Variants in LRP4 observed in about 807,000 individuals in gnomAD.
LRP4 encodes the protein low-density lipoprotein receptor-related protein 4.
A neutral mutation model predicts 220.3 loss-of-function variants in LRP4; 95 were observed. The observed-to-expected ratio is 0.43, with a 90% CI of 0.37 to 0.51. The LOEUF (loss-of-function observed/expected upper bound fraction) is 0.51. Among genes scored for constraint, LRP4 ranks in the 20% least tolerant of loss-of-function variants. The probability of loss-of-function intolerance (pLI) is 0.00; values close to 1 mark genes in which losing one functional copy is unlikely to be tolerated. For missense variants in LRP4, 1,925 were observed against 2,567.0 expected, an observed-to-expected ratio of 0.75 and a Z score of 5.40; for synonymous variants, 903 against 954.6, an observed-to-expected ratio of 0.95 and a Z score of 1.00.
intron 20 of LRP4, 73 bp from the exon 21 acceptor site, chr11:46,879,388 T>G (rs761754451): frequency 1.2e-5 from 19 of 1,520,562 alleles, no homozygotes; most frequent in Non-Finnish European, 1.7e-5. Context: ...GAGCTCACTG[T>G]GGACTCAGAA....
chr11:46,865,359 G>A (rs987776158), intron 34 of LRP4, among the ~76,000 whole-genome samples, 173 bp from the exon 35 acceptor site: 3 of 152,202 alleles, frequency 2.0e-5, no homozygotes, highest in Non-Finnish European at 2.9e-5. Context: ...AGAGAAATCC[G>A]TGCAAGGCAC....
intron 1 of LRP4, among the ~76,000 whole-genome samples, chr11:46,917,846 A>G (rs1386216127): frequency 1.3e-5 from 2 of 152,086 alleles, no homozygotes; most frequent in African/African-American, 4.8e-5. Context: ...CCGGTGCCCA[A>G]GTACCAGATT....
Position 46,890,340 on chromosome 11 carries a change from T to G in LRP4, c.1852A>C (p.Lys618Gln). The change falls in exon 14 of 38, where the codon AAG (lysine) becomes CAG (glutamine). Residue 618 changes from lysine to glutamine, a missense_variant. Transcript: ENST00000378623. The surrounding 1 kb of genome is among the most constrained non-coding windows in gnomAD (Gnocchi z 5.3). Reference sequence around the variant, plus strand: ...TTGGCCCTCTCGATGACATGGTGCTTAGCATCCACCCAGTACATACGGCGC... The same window carrying G: ...TTGGCCCTCTCGATGACATGGTGCTGAGCATCCACCCAGTACATACGGCGC... The part of the protein sequence containing the change: ...AGRRMYWVDA[K>Q]HHVIERANLD... The G allele has an allele frequency of 6.2e-7, 1 of 1,614,108 alleles. No individual in the cohort carries two copies. Among genetic ancestry groups the G allele is most frequent in the Non-Finnish European group, 8.5e-7 (1 of 1,180,014 alleles).
chr11:46,872,541 C>T (rs191119078), intron 30 of LRP4, among the ~76,000 whole-genome samples: 115 of 152,044 alleles, frequency 7.6e-4, no homozygotes, highest in African/African-American at 2.3e-3. Flanking sequence ...TCCAGGAGTT[C>T]GAGACCAGCC....
In LRP4 at chr11:46,875,253, G is replaced by A; in HGVS notation, c.3926-150C>T. 1 of 935,074 alleles carries A rather than the reference G, an allele frequency of 1.1e-6. No individual in the cohort carries two copies. The allele number at this position is 935,074 out of a possible 1,614,324, so 57.9% of individuals were successfully genotyped here. A position where few individuals can be genotyped will look rare whatever the true frequency, so the allele number is the denominator to read the frequency against. The stretch of plus-strand genomic sequence containing the variant: ...TGAGGTAGAAGGAGGGTCTGCAGGA[G>A]GATCTCCAGGAGTCCTTTGAAGGTG... On this transcript the variant is annotated intron_variant, in intron 27 of 37. Coordinates refer to ENST00000378623, the MANE Select transcript of LRP4 (RefSeq NM_002334.4). The surrounding 1 kb of genome is among the most constrained non-coding windows in gnomAD (Gnocchi z 4.5).
At chr11:46,916,918 C>CA (rs1424986674) in intron 1 of LRP4, among the ~76,000 whole-genome samples, 1 of 152,138 alleles carries the variant, frequency 6.6e-6, no homozygotes, top group African/African-American at 2.4e-5. Context: ...AAAGAGGCTA[C>CA]AAATAACCTT....
rs764499559 is a variant in LRP4 at position 46,875,471 on chromosome 11, G to A, written c.3910C>T (p.Arg1304Trp). 8 of 1,613,688 alleles carry A rather than the reference G, an allele frequency of 5.0e-6. No homozygotes were observed. The highest frequency in any genetic ancestry group is 6.8e-6 in the Non-Finnish European group (8 of 1,179,848). ...PGLMDMQAVD[R>W]AQPLGFNKCG... The stretch of plus-strand genomic sequence containing the variant: ...TGACTCTCACCTAGTGGCTGTGCCC[G>A]GTCCACAGCCTGCATGTCCATGAGG... The change falls in exon 27 of 38, where the codon CGG becomes TGG. Residue 1304 changes from arginine to tryptophan, a missense_variant. Coordinates refer to ENST00000378623, the MANE Select transcript of LRP4 (RefSeq NM_002334.4). The surrounding 1 kb of genome is among the most constrained non-coding windows in gnomAD (Gnocchi z 4.5).
chr11:46,898,462 A>G, intron 7 of LRP4, 96 bp downstream of exon 7: 1 of 1,554,264 alleles, frequency 6.4e-7, no homozygotes. Flanking sequence ...CTGGCATTAT[A>G]AGCATGAGCC....
chr11:46,893,158 A>T lies in LRP4; in HGVS notation c.1541-29T>A, dbSNP rs755277182. ...GTGAGAAGCAGCAGCAAAAAATGTCAAGGAGTCAACCCAGGCCCCCATGTC... is the reference window on the plus strand; with the variant it reads ...GTGAGAAGCAGCAGCAAAAAATGTCTAGGAGTCAACCCAGGCCCCCATGTC... On this transcript the variant is annotated intron_variant, in intron 12 of 37. Transcript: ENST00000378623. The T allele has an allele frequency of 1.9e-5, 30 of 1,613,988 alleles. No individual in the cohort carries two copies. In the South Asian group the frequency reaches 3.3e-4, roughly 18 times the overall value.
Position 46,899,903 on chromosome 11 carries a change from A to G in LRP4, c.390T>C (p.Asp130=), listed in dbSNP as rs140186161. Residue 130 remains aspartate, a synonymous_variant, in exon 4 of 38, where the codon GAT becomes GAC. Coordinates refer to ENST00000378623, the MANE Select transcript of LRP4 (RefSeq NM_002334.4). The surrounding 1 kb of genome is among the most constrained non-coding windows in gnomAD (Gnocchi z 5.9). ...TGTTGTCGCCACAGTCATTGTCACC[A>G]TCGCAGTGCCACAGACTCCGGATGC... ...GYCIRSLWHC[D]GDNDCGDNSD... 44 of 1,613,952 alleles carry G rather than the reference A, an allele frequency of 2.7e-5. No homozygotes were observed. Among genetic ancestry groups the G allele is most frequent in the Middle Eastern group, 3.3e-4 (2 of 6,062 alleles).
intron 1 of LRP4, among the ~76,000 whole-genome samples, chr11:46,915,491 C>T (rs1941934240): frequency 6.6e-6 from 1 of 152,124 alleles, no homozygotes; most frequent in Non-Finnish European, 1.5e-5. Context: ...GAGTCCAAAC[C>T]AATAGGCTCT....
At chr11:46,867,328 G>A (rs112565647) in intron 34 of LRP4, among the ~76,000 whole-genome samples, 3 of 152,278 alleles carry the variant, frequency 2.0e-5, no homozygotes, top group African/African-American at 4.8e-5. Flanking sequence ...AGAGACTACT[G>A]TTGGACAAGC....
chr11:46,872,981 A>C, intron 30 of LRP4, 119 bp downstream of exon 30: 2 of 1,316,672 alleles, frequency 1.5e-6, no homozygotes, highest in Non-Finnish European at 2.2e-6. Context: ...CTTCTCAATG[A>C]TTCCTCTTCC....
rs761980752 is a variant in LRP4, at chr11:46,896,049, A to G, written c.1049-31T>C. 7 of 1,613,804 alleles carry G rather than the reference A, an allele frequency of 4.3e-6. No homozygotes were observed. The East Asian group carries it at 1.3e-4, about 31-fold the overall frequency. On this transcript the variant is annotated intron_variant, in intron 9 of 37. Coordinates refer to ENST00000378623, the MANE Select transcript of LRP4 (RefSeq NM_002334.4). ...CCAGCCAAGCCAGAGTTGGGAGTTGAGCCCAGAATCCTCCCCCAGAGAGCC... is the reference window on the plus strand; with the variant it reads ...CCAGCCAAGCCAGAGTTGGGAGTTGGGCCCAGAATCCTCCCCCAGAGAGCC...
chr11:46,895,297 A>G lies in LRP4; in HGVS notation c.1184-6T>C, dbSNP rs1205047749. 1 of 1,612,242 alleles carries G rather than the reference A, an allele frequency of 6.2e-7. No homozygotes were observed. Among genetic ancestry groups the G allele is most frequent in the Non-Finnish European group, 8.5e-7 (1 of 1,179,990 alleles). Reference sequence around the variant, plus strand: ...CTCGGCACATTCATTCACATCTGGGAACACCAGGCAGGTCAAGAGATCTCC... The same window carrying G: ...CTCGGCACATTCATTCACATCTGGGGACACCAGGCAGGTCAAGAGATCTCC... On this transcript the variant is annotated splice_region_variant and splice_polypyrimidine_tract_variant and intron_variant, in intron 10 of 37. Coordinates refer to ENST00000378623, the MANE Select transcript of LRP4 (RefSeq NM_002334.4).
chr11:46,900,427 C>G, intron 2 of LRP4, 49 bp from the exon 3 acceptor site: 1 of 1,192,126 alleles, frequency 8.4e-7, no homozygotes, highest in Non-Finnish European at 1.3e-6. Flanking sequence ...GGTATTCTTA[C>G]TCAGGCTCAA....
In LRP4 at chr11:46,875,239, G is replaced by A. The variant is rs1002778827; in HGVS notation, c.3926-136C>T. 4 of 1,009,544 alleles carry A rather than the reference G, an allele frequency of 4.0e-6. No individual in the cohort carries two copies. Among genetic ancestry groups the A allele is most frequent in the Non-Finnish European group, 6.0e-6 (4 of 668,176 alleles). The allele number at this position is 1,009,544 out of a possible 1,614,324, so 62.5% of individuals were successfully genotyped here. A position where few individuals can be genotyped will look rare whatever the true frequency, so the allele number is the denominator to read the frequency against. ...AGTGCCTGGCAGGGTGAGGTAGAAG[G>A]AGGGTCTGCAGGAGGATCTCCAGGA... On this transcript the variant is annotated intron_variant, in intron 27 of 37. Coordinates refer to ENST00000378623, the MANE Select transcript of LRP4 (RefSeq NM_002334.4). This position sits in a 1 kb window ranked among gnomAD's most constrained non-coding sequence, Gnocchi z 4.5.
Position 46,879,212 on chromosome 11 carries a change from C to T in LRP4, c.2918G>A (p.Arg973Gln), listed in dbSNP as rs200029707. ...AGTCTCCCGGTCCAGCCCTGTCAGC[C>T]GGTCAGCGCTCTGTATGCTCTTGGT... ...WQTKSIQSAD[R>Q]LTGLDRETLQ... is the part of the protein sequence containing the mutation. Residue 973 changes from arginine (R) to glutamine (Q), a missense_variant, in exon 21 of 38, where the codon CGG becomes CAG. This residue lies in a region of LRP4 where 1,244 missense variants were observed against 1,624.9 expected (regional missense o/e 0.77). Coordinates refer to ENST00000378623, the MANE Select transcript of LRP4 (RefSeq NM_002334.4). 8 of 1,614,222 alleles carry T rather than the reference C, an allele frequency of 5.0e-6. No individual in the cohort carries two copies. The highest frequency in any genetic ancestry group is 3.3e-5 in the Admixed American group (2 of 60,028).
rs1940920359 is a variant in LRP4 at position 46,873,353 on chromosome 11, C to T, written c.4448+22G>A. ...CCCAGCCCTTCTTCCCTGGATCTCT[C>T]TTCTGCTGGCCATAAACTTACCCCT... On this transcript the variant is annotated intron_variant, in intron 29 of 37. Coordinates refer to ENST00000378623, the MANE Select transcript of LRP4 (RefSeq NM_002334.4). This position sits in a 1 kb window ranked among gnomAD's most constrained non-coding sequence, Gnocchi z 4.2. 1 of 1,613,684 alleles carries T rather than the reference C, an allele frequency of 6.2e-7. No individual in the cohort carries two copies. Among genetic ancestry groups the T allele is most frequent in the Non-Finnish European group, 8.5e-7 (1 of 1,179,728 alleles).
Sources: allele counts gnomAD v4.1 joint callset (sites outside exome capture counted in the v4.1 genomes callset), GRCh38; gene constraint gnomAD v4.1.1; regional missense constraint gnomAD v4.1.1; non-coding constraint Gnocchi (gnomAD v3.1); transcripts MANE v1.5; gene names NCBI Gene and HGNC (gene_info 2026-07-23, HGNC 2026-07-21).